The following MFN2 variants were observed in gnomAD, a reference collection of about 807,000 sequenced individuals.
The protein encoded by MFN2 is mitofusin-2.
A neutral mutation model predicts 87.5 loss-of-function variants in MFN2; 43 were observed. That is an observed-to-expected ratio of 0.49 (90% confidence interval 0.38 to 0.63). MFN2 has a LOEUF of 0.63. Among genes scored for constraint, MFN2 ranks in the 30% least tolerant of loss-of-function variants. The pLI, the probability that MFN2 is intolerant of heterozygous loss-of-function variation, is 0.00. For synonymous variants in MFN2, 337 were observed against 359.9 expected, an observed-to-expected ratio of 0.94 and a Z score of 0.72; for missense variants, 743 against 972.8, an observed-to-expected ratio of 0.76 and a Z score of 3.14.
intron 2 of MFN2, among the ~76,000 whole-genome samples, chr1:11,984,348 T>C (rs1638298443): frequency 6.6e-6 from 1 of 152,166 alleles, no homozygotes; most frequent in South Asian, 2.1e-4. Flanking sequence ...CTGCCCTCCC[T>C]GAAGGCTGGG....
chr1:11,996,103 G>T, intron 4 of MFN2, 53 bp from the exon 5 acceptor site: 1 of 1,612,050 alleles, frequency 6.2e-7, no homozygotes, highest in Non-Finnish European at 8.5e-7. Context: ...CGTTGTGAAA[G>T]TAATTCAGGT....
rs776267944 is a variant in MFN2, at chr1:12,004,601, G to A, written c.1380G>A (p.Lys460=). The stretch of plus-strand genomic sequence containing the variant: ...TCCACCCTTCTCCAGTAGTCCTCAA[G>A]GTTTATAAGAATGTGAGTCATGGAG... The part of the protein sequence containing the change: ...MDFHPSPVVL[K]VYKNELHRHI... The change falls in exon 13 of 19, where the codon AAG becomes AAA. Residue 460 remains lysine, a synonymous_variant. Coordinates refer to ENST00000235329, the MANE Select transcript of MFN2 (RefSeq NM_014874.4). This position sits in a 1 kb window ranked among gnomAD's most constrained non-coding sequence, Gnocchi z 4.2. 1 of 1,614,016 alleles carries A rather than the reference G, an allele frequency of 6.2e-7. No homozygotes were observed. The highest frequency in any genetic ancestry group is 1.1e-5 in the South Asian group (1 of 91,062).
At chr1:11,989,366 A>G in intron 3 of MFN2, 23 bp downstream of exon 3, 2 of 1,612,956 alleles carry the variant, frequency 1.2e-6, no homozygotes, top group Non-Finnish European at 8.5e-7. Context: ...CGGCTCAGCC[A>G]GGCCCGCTCT....
chr1:11,996,092 G>A (rs1355601430), intron 4 of MFN2, 64 bp from the exon 5 acceptor site: 1 of 1,608,826 alleles, frequency 6.2e-7, no homozygotes, highest in Non-Finnish European at 8.5e-7. Context: ...GCTGGTATCT[G>A]CGTTGTGAAA....
rs772177020 is a variant in MFN2 at position 12,011,572 on chromosome 1, C to A, written c.*7C>A. On this transcript the variant is annotated 3_prime_UTR_variant, in exon 19 of 19. Coordinates refer to ENST00000235329, the MANE Select transcript of MFN2 (RefSeq NM_014874.4). Reference sequence around the variant, plus strand: ...CCTGCAGCCCAGCAGATAGTGGGCACCTGAGGCGGAGTCTGCGTGGAGAGG... The same window carrying A: ...CCTGCAGCCCAGCAGATAGTGGGCAACTGAGGCGGAGTCTGCGTGGAGAGG... The A allele has an allele frequency of 6.2e-7, 1 of 1,613,688 alleles. No homozygotes were observed.
At chr1:11,996,510 G>A (rs1009519327) in intron 5 of MFN2, among the ~76,000 whole-genome samples, 192 bp downstream of exon 5, 5 of 152,198 alleles carry the variant, frequency 3.3e-5, no homozygotes, top group Non-Finnish European at 5.9e-5. Context: ...TTTCAGAAAC[G>A]TGGATCACCA....
rs1553140991 is a variant in MFN2, at chr1:11,989,259, C to T, written c.91C>T (p.His31Tyr). 2 of 1,614,038 alleles carry T rather than the reference C, an allele frequency of 1.2e-6. No individual in the cohort carries two copies. Among genetic ancestry groups the T allele is most frequent in the Non-Finnish European group, 8.5e-7 (1 of 1,180,026 alleles). The change falls in exon 3 of 19, where the codon CAC becomes TAC. Residue 31 changes from histidine to tyrosine, a missense_variant. Physicochemically the swap from His to Tyr is moderately conservative, Grantham distance 83. Around this residue, in one of 3 missense-constraint regions of MFN2, gnomAD observed 141 missense variants for 278.9 expected, o/e 0.51. Transcript: ENST00000235329. ...MAEVNASPLK[H>Y]FVTAKKKING... The stretch of plus-strand genomic sequence containing the variant: ...TGAGGTGAATGCATCCCCACTTAAG[C>T]ACTTTGTCACTGCCAAGAAGAAGAT...
Position 12,001,782 on chromosome 1 carries a change from A to G in MFN2, c.984A>G (p.Ala328=). Reference sequence around the variant, plus strand: ...CAATCCTCCTAGGGGGCGCTCTCGCAGAAGGCTTTCAAGTGAGGATGTTTG... The same window carrying G: ...CAATCCTCCTAGGGGGCGCTCTCGCGGAAGGCTTTCAAGTGAGGATGTTTG... ...QGMPEGGGAL[A]EGFQVRMFEF... The change falls in exon 10 of 19, where the codon GCA becomes GCG. Residue 328 remains alanine (A), a synonymous_variant. Transcript: ENST00000235329. 3 of 1,614,206 alleles carry G rather than the reference A, an allele frequency of 1.9e-6. No individual in the cohort carries two copies. Among genetic ancestry groups the G allele is most frequent in the Non-Finnish European group, 2.5e-6 (3 of 1,180,028 alleles).
At chr1:11,990,873 G>A (rs1156243254) in intron 3 of MFN2, among the ~76,000 whole-genome samples, 2 of 152,326 alleles carry the variant, frequency 1.3e-5, no homozygotes, top group East Asian at 1.9e-4. Context: ...TGGACATAGC[G>A]GGAGGGGAGA....
In MFN2 at chr1:12,009,730, A is replaced by C. The variant is rs753371495; in HGVS notation, c.2204+4A>C. The stretch of plus-strand genomic sequence containing the variant: ...AGAGCAAAGCAAAGCTGCTCAGGTG[A>C]GGCTGGCCCGTGTGGCCAAAGGTTA... On this transcript the variant is annotated splice_donor_region_variant and intron_variant, in intron 18 of 18. Transcript: ENST00000235329. 2 of 1,614,092 alleles carry C rather than the reference A, an allele frequency of 1.2e-6. No homozygotes were observed. Among genetic ancestry groups the C allele is most frequent in the African/African-American group, 2.7e-5 (2 of 74,948 alleles).
At position 12,004,371 on chromosome 1, in the gene MFN2, G is replaced by A; in HGVS notation, c.1288-138G>A. The A allele has an allele frequency of 1.1e-6, 1 of 944,128 alleles. No individual in the cohort carries two copies. The highest frequency in any genetic ancestry group is 1.7e-6 in the Non-Finnish European group (1 of 575,044). The allele number at this position is 944,128 out of a possible 1,614,324, so 58.5% of individuals were successfully genotyped here. On this transcript the variant is annotated intron_variant, in intron 12 of 18. Transcript: ENST00000235329. This position sits in a 1 kb window ranked among gnomAD's most constrained non-coding sequence, Gnocchi z 4.2. ...TTTCCCAGACCCTCTCACTTCAGAG[G>A]CTTTAATTCCATAGAGGAGCTGAGG... is the stretch of plus-strand genomic sequence containing the variant.
In MFN2 at chr1:12,004,477, G is replaced by A; in HGVS notation, c.1288-32G>A. 2 of 1,594,544 alleles carry A rather than the reference G, an allele frequency of 1.3e-6. No homozygotes were observed. The highest frequency in any genetic ancestry group is 1.7e-6 in the Non-Finnish European group (2 of 1,162,234). ...GCAGGAGTGAACTTTGGTCTTCCTT[G>A]ATACTTAACAGTGTGCTTCCTTTTG... On this transcript the variant is annotated intron_variant, in intron 12 of 18. Coordinates refer to ENST00000235329, the MANE Select transcript of MFN2 (RefSeq NM_014874.4). This position sits in a 1 kb window ranked among gnomAD's most constrained non-coding sequence, Gnocchi z 4.2.
intron 5 of MFN2, among the ~76,000 whole-genome samples, chr1:11,996,894 T>C (rs542813844): frequency 7.2e-5 from 11 of 152,140 alleles, no homozygotes; most frequent in East Asian, 1.9e-4. Flanking sequence ...AAAAATTAGC[T>C]GGGCGTGGTG....
rs1255801092 is a variant in MFN2, at chr1:12,009,030, TCCA to T, written c.2070-558_2070-556del. On this transcript the variant is annotated intron_variant, in intron 17 of 18. Coordinates refer to ENST00000235329, the MANE Select transcript of MFN2 (RefSeq NM_014874.4). Reference sequence around the variant, plus strand: ...GCGGCCAACACAGCGAAACCCCATCTCCACCAAAAAAATACGAAAACCAGTCAG... The same window carrying T: ...GCGGCCAACACAGCGAAACCCCATCTCCAAAAAAATACGAAAACCAGTCAG... Among the ~76,000 whole-genome samples the T allele has an allele frequency of 2.6e-5, 4 of 152,188 alleles. No individual in the cohort carries two copies. In the East Asian group the frequency reaches 7.8e-4, roughly 30 times the overall value.
rs560470663 is a variant in MFN2 at position 12,001,408 on chromosome 1, G to A, written c.824G>A (p.Arg275Gln). The A allele has an allele frequency of 6.2e-6, 10 of 1,613,546 alleles. No homozygotes were observed. Among genetic ancestry groups the A allele is most frequent in the Admixed American group, 1.7e-5 (1 of 59,968 alleles). Residue 275 changes from arginine (R) to glutamine (Q), a missense_variant, in exon 9 of 19, where the codon CGG becomes CAG. By Grantham distance (43) the Arg-to-Gln change is conservative. This residue lies in a region of MFN2 where 571 missense variants were observed against 670.7 expected (regional missense o/e 0.85). Transcript: ENST00000235329. ...CATTTGTTTGGGCTCCAGGTGCGGC[G>A]GCAGCACATGGAGCGTTGTACCAGC... ...SEPEYMEEVR[R>Q]QHMERCTSFL...
At chr1:12,008,431 C>A (rs1423453759) in intron 17 of MFN2, among the ~76,000 whole-genome samples, 3 of 133,142 alleles carry the variant, frequency 2.3e-5, no homozygotes, top group Admixed American at 1.4e-4. Context: ...TGACCCCCCC[C>A]ACCTCCCTCC....
chr1:12,009,773 C>T (rs1462118213), intron 18 of MFN2, 47 bp downstream of exon 18: 1 of 1,613,248 alleles, frequency 6.2e-7, no homozygotes, highest in South Asian at 1.1e-5. Context: ...AGGGTGCAGC[C>T]CAGGCACACT....
intron 2 of MFN2, among the ~76,000 whole-genome samples, chr1:11,983,351 G>A (rs186280404): frequency 1.2e-4 from 19 of 152,334 alleles, no homozygotes; most frequent in Non-Finnish European, 1.8e-4. Context: ...GATTACAGGC[G>A]TGAGCCACCG....
At chr1:12,006,995 C>T (rs1339513226) in intron 16 of MFN2, 58 bp from the exon 17 acceptor site, 4 of 1,603,818 alleles carry the variant, frequency 2.5e-6, no homozygotes, top group Non-Finnish European at 3.4e-6. Context: ...AGTGATGGGC[C>T]CCAGAGGAGG....
Sources: allele counts gnomAD v4.1 joint callset (sites outside exome capture counted in the v4.1 genomes callset), GRCh38; gene constraint gnomAD v4.1.1; regional missense constraint gnomAD v4.1.1; non-coding constraint Gnocchi (gnomAD v3.1); transcripts MANE v1.5; gene names NCBI Gene and HGNC (gene_info 2026-07-23, HGNC 2026-07-21).